The following ADAM20 variants were observed in gnomAD, a reference collection of about 807,000 sequenced individuals.
ADAM20 encodes the protein disintegrin and metalloproteinase domain-containing protein 20.
For synonymous variants in ADAM20, 305 were observed against 310.2 expected (o/e 0.98, Z 0.18); for missense variants, 871 against 883.2 (o/e 0.99, Z 0.18).
the ADAM20 span, chr14:70,556,527 G>A: frequency 6.6e-6 from 1 of 152,214 alleles, no homozygotes; most frequent in South Asian, 2.1e-4. Context: ...TTATGAAATC[G>A]AGCCCATAAG....
chr14:70,522,525 G>T lies in ADAM20; in HGVS notation c.*52C>A. Reference sequence around the variant, plus strand: ...CTTCATATTTTTCTATTAAAAAATTGGATATTAAAAATGAAGTATAAAGTT... The same window carrying T: ...CTTCATATTTTTCTATTAAAAAATTTGATATTAAAAATGAAGTATAAAGTT... On this transcript the variant is annotated 3_prime_UTR_variant, in exon 2 of 2. Transcript: ENST00000256389. 1 of 1,431,580 alleles carries T rather than the reference G, an allele frequency of 7.0e-7. No individual in the cohort carries two copies. Among genetic ancestry groups the T allele is most frequent in the East Asian group, 2.5e-5 (1 of 40,200 alleles). The allele number at this position is 1,431,580 out of a possible 1,614,324, so 88.7% of individuals were successfully genotyped here. A position where few individuals can be genotyped will look rare whatever the true frequency, so the allele number is the denominator to read the frequency against.
At chr14:70,542,862 C>T in the ADAM20 span, among the ~76,000 whole-genome samples, 1 of 151,892 alleles carries the variant, frequency 6.6e-6, no homozygotes, top group South Asian at 2.1e-4. Context: ...TCGCTTGAAC[C>T]CGGGAGGTGG....
At chr14:70,561,402 C>T in the ADAM20 span, among the ~76,000 whole-genome samples, 1 of 152,104 alleles carries the variant, frequency 6.6e-6, no homozygotes, top group African/African-American at 2.4e-5. Context: ...AGAAGCAGAC[C>T]ATAAAAGTTT....
At chr14:70,567,981 T>A in the ADAM20 span, among the ~76,000 whole-genome samples, 2 of 152,012 alleles carry the variant, frequency 1.3e-5, no homozygotes, top group African/African-American at 2.4e-5. Context: ...CTAACCCCTC[T>A]CATGCCTCCT....
the ADAM20 span, among the ~76,000 whole-genome samples, chr14:70,564,707 C>G: frequency 2.1e-5 from 3 of 142,964 alleles, no homozygotes; most frequent in African/African-American, 7.7e-5. Context: ...CATGGACAAA[C>G]TGAGAATATC....
Position 70,524,402 on chromosome 14 carries a change from G to C in ADAM20, c.356C>G (p.Pro119Arg). The C allele has an allele frequency of 6.2e-7, 1 of 1,613,956 alleles. No homozygotes were observed. Among genetic ancestry groups the C allele is most frequent in the Non-Finnish European group, 8.5e-7 (1 of 1,179,906 alleles). ...CYYHGYVEGV[P>R]ESLVALSTCS... ...GGTACTAAGGGCAACCAAGGACTCA[G>C]GGACCCCCTCCACATAACCATGGTA... Residue 119 changes from proline to arginine, a missense_variant, in exon 2 of 2, where the codon CCT becomes CGT. Transcript: ENST00000256389.
At chr14:70,536,374 A>G (rs12586886), upstream of ADAM20, among the ~76,000 whole-genome samples, 48,278 of 149,460 alleles carry the variant, frequency 0.32, 9,401 homozygotes, top group East Asian at 0.57. Context: ...GCTGAGGCAG[A>G]AGAATTGCTT....
At chr14:70,562,627 G>A in the ADAM20 span, among the ~76,000 whole-genome samples, 1 of 152,172 alleles carries the variant, frequency 6.6e-6, no homozygotes, top group African/African-American at 2.4e-5. Context: ...CTCCCTTGCT[G>A]TTCTCATGAT....
the ADAM20 span, among the ~76,000 whole-genome samples, chr14:70,569,148 C>G: frequency 9.2e-5 from 14 of 152,032 alleles, no homozygotes; most frequent in African/African-American, 3.4e-4. Context: ...AAAAAAATGG[C>G]AGCCAAAAAG....
chr14:70,542,593 A>C, the ADAM20 span, among the ~76,000 whole-genome samples: 1 of 152,188 alleles, frequency 6.6e-6, no homozygotes, highest in East Asian at 1.9e-4. Context: ...CTTGGCTTTA[A>C]AATGGTCTTA....
chr14:70,556,608 A>G, the ADAM20 span: 1 of 152,254 alleles, frequency 6.6e-6, no homozygotes, highest in Non-Finnish European at 1.5e-5. Flanking sequence ...TGGCTTAACA[A>G]AAGAGGAAAT....
chr14:70,545,670 T>C, the ADAM20 span, among the ~76,000 whole-genome samples: 1 of 152,180 alleles, frequency 6.6e-6, no homozygotes, highest in Non-Finnish European at 1.5e-5. Context: ...GATATGACAA[T>C]TGTAAATATA....
chr14:70,570,246 C>G, the ADAM20 span, among the ~76,000 whole-genome samples: 2 of 151,690 alleles, frequency 1.3e-5, no homozygotes, highest in African/African-American at 4.8e-5. Context: ...GAAAACAAAC[C>G]AAATCCAAAG....
At chr14:70,536,781 A>G (rs1398123331), upstream of ADAM20, among the ~76,000 whole-genome samples, 1 of 151,878 alleles carries the variant, frequency 6.6e-6, no homozygotes, top group African/African-American at 2.4e-5. Flanking sequence ...CCTCCCCTCC[A>G]GCTGGAGAGA....
the ADAM20 span, among the ~76,000 whole-genome samples, chr14:70,558,539 C>A: frequency 6.6e-6 from 1 of 151,978 alleles, no homozygotes; most frequent in Admixed American, 6.6e-5. Flanking sequence ...TGTAGAGTCT[C>A]CTGCCCTCAG....
the ADAM20 span, among the ~76,000 whole-genome samples, chr14:70,548,651 ATG>A: frequency 3.4e-5 from 4 of 117,360 alleles, no homozygotes; most frequent in Non-Finnish European, 6.9e-5. Flanking sequence ...ATATGGGACT[ATG>A]TGAAAAGACC....
chr14:70,553,540 A>C, the ADAM20 span, among the ~76,000 whole-genome samples: 8,309 of 148,622 alleles, frequency 0.056, 389 homozygotes, highest in Non-Finnish European at 0.086. Flanking sequence ...AAAAAAAAAA[A>C]AAAAAAAACT....
At chr14:70,573,073 C>T in the ADAM20 span, among the ~76,000 whole-genome samples, 1 of 152,076 alleles carries the variant, frequency 6.6e-6, no homozygotes, top group Non-Finnish European at 1.5e-5. Flanking sequence ...CCCAGCAATC[C>T]CACTACTGGG....
the ADAM20 span, among the ~76,000 whole-genome samples, chr14:70,567,115 G>A: frequency 6.6e-6 from 1 of 152,160 alleles, no homozygotes; most frequent in African/African-American, 2.4e-5. Flanking sequence ...AATTTCCCAG[G>A]GATAGAGAAC....
Sources: gnomAD v4.1 joint callset for allele counts (sites outside exome capture counted in the v4.1 genomes callset) on GRCh38, gnomAD v4.1.1 for gene constraint, MANE v1.5 for transcripts, NCBI Gene and HGNC (gene_info 2026-07-23, HGNC 2026-07-21) for gene names.